SETBP1: variants seen among roughly 807,000 people sequenced by gnomAD.
SETBP1 encodes the protein SET-binding protein.
SETBP1 carries 9 observed loss-of-function variants against 101.0 expected under a neutral mutation model. The ratio of observed to expected loss-of-function variants is 0.09; its 90% CI spans 0.05 to 0.16. SETBP1 has a LOEUF of 0.16. SETBP1 is among the 10% of genes least tolerant of loss of function. The pLI, the probability that SETBP1 is intolerant of heterozygous loss-of-function variation, is 1.00. For synonymous variants in SETBP1, 818 were observed against 788.5 expected (o/e 1.04, Z -0.63); for missense variants, 1,858 against 2,033.8 (o/e 0.91, Z 1.66).
rs529593793 is a variant in SETBP1, at chr18:44,863,216, G to C, written c.487-6014G>C. Among the ~76,000 whole-genome samples the C allele has an allele frequency of 1.3e-4, 20 of 152,210 alleles. No homozygotes were observed. The South Asian group carries it at 3.9e-3, about 30-fold the overall frequency. On this transcript the variant is annotated intron_variant, in intron 2 of 5. Coordinates refer to ENST00000649279, the MANE Select transcript of SETBP1 (RefSeq NM_015559.3). ...TCCTTAGACCCCTTTCCTTTTCTCT[G>C]TCTTGACCCCTGACATATCTTACAA...
At chr18:44,862,831 T>C (rs140851593) in intron 2 of SETBP1, among the ~76,000 whole-genome samples, 1 of 152,160 alleles carries the variant, frequency 6.6e-6, no homozygotes, top group Admixed American at 6.5e-5. Flanking sequence ...TTCTCCAGCC[T>C]TGGGGTGAGA....
intron 2 of SETBP1, among the ~76,000 whole-genome samples, chr18:44,790,060 C>T (rs1216268305): frequency 6.6e-6 from 1 of 152,106 alleles, no homozygotes; most frequent in Non-Finnish European, 1.5e-5. Flanking sequence ...TCCTTTGAAT[C>T]CTGGTAGCTG....
At chr18:44,924,115 G>A (rs1218057310) in intron 3 of SETBP1, among the ~76,000 whole-genome samples, 1 of 152,100 alleles carries the variant, frequency 6.6e-6, no homozygotes, top group African/African-American at 2.4e-5. Context: ...CATCAAGATG[G>A]CCCAGTTGTA....
rs539586976 is a variant in SETBP1 at position 45,053,139 on chromosome 18, A to T, written c.4172-9940A>T. ...TAGAATGTTGTTGGGGGAAAAAAAA[A>T]ATGCAGTTTTTAAAAAATGTAGCTT... On this transcript the variant is annotated intron_variant, in intron 5 of 5. Transcript: ENST00000649279. 2.0e-5 allele frequency among the ~76,000 whole-genome samples: 3 copies of T among 152,264 alleles called. No individual in the cohort carries two copies. The East Asian group carries it at 5.8e-4, about 29-fold the overall frequency.
At chr18:44,760,801 T>C (rs919422665) in intron 2 of SETBP1, among the ~76,000 whole-genome samples, 16 of 152,286 alleles carry the variant, frequency 1.1e-4, no homozygotes, top group African/African-American at 3.8e-4. Context: ...TATATTTAAA[T>C]AGCATCGAAT....
At chr18:44,848,402 C>T (rs571394705) in intron 2 of SETBP1, among the ~76,000 whole-genome samples, 1 of 152,250 alleles carries the variant, frequency 6.6e-6, no homozygotes, top group South Asian at 2.1e-4. Flanking sequence ...TCATCAAAGG[C>T]TGGGAAGTGG....
At chr18:44,801,920 A>G (rs916846621) in intron 2 of SETBP1, among the ~76,000 whole-genome samples, 3 of 152,096 alleles carry the variant, frequency 2.0e-5, no homozygotes, top group Non-Finnish European at 4.4e-5. Context: ...CCATCTGGCC[A>G]CTGGAAATGA....
intron 2 of SETBP1, among the ~76,000 whole-genome samples, chr18:44,826,114 G>C (rs1179805010): frequency 6.6e-6 from 1 of 152,164 alleles, no homozygotes; most frequent in African/African-American, 2.4e-5. Flanking sequence ...CTCAAGGAAG[G>C]TCAACAGAGG....
intron 4 of SETBP1, among the ~76,000 whole-genome samples, chr18:44,976,760 A>G (rs1413263055): frequency 2.0e-5 from 3 of 152,310 alleles, no homozygotes; most frequent in Non-Finnish European, 2.9e-5. Context: ...TGTCTGTAAT[A>G]TGTGATTAAT....
intron 5 of SETBP1, among the ~76,000 whole-genome samples, chr18:45,056,789 A>G (rs114315093): frequency 2.6e-4 from 39 of 152,072 alleles, no homozygotes; most frequent in Middle Eastern, 3.4e-3. Flanking sequence ...CACTTAACAT[A>G]CCCCACTGCT....
intron 2 of SETBP1, among the ~76,000 whole-genome samples, chr18:44,758,647 G>T (rs1395967456): frequency 6.6e-6 from 1 of 152,232 alleles, no homozygotes; most frequent in African/African-American, 2.4e-5. Context: ...CTCCCAAAGT[G>T]CTGGGATTAC....
At chr18:44,989,763 G>A (rs1469804377) in intron 4 of SETBP1, among the ~76,000 whole-genome samples, 3 of 149,306 alleles carry the variant, frequency 2.0e-5, no homozygotes, top group Non-Finnish European at 4.5e-5. Flanking sequence ...CAGCTACTTG[G>A]GAGGCTGAGG....
chr18:44,962,694 G>A (rs1192416683), intron 4 of SETBP1, among the ~76,000 whole-genome samples: 1 of 152,118 alleles, frequency 6.6e-6, no homozygotes, highest in African/African-American at 2.4e-5. Context: ...AGTTGATACT[G>A]GTATCTGTCC....
At chr18:44,692,035 G>A (rs897385919) in intron 1 of SETBP1, among the ~76,000 whole-genome samples, 1 of 152,182 alleles carries the variant, frequency 6.6e-6, no homozygotes, top group African/African-American at 2.4e-5. Context: ...TCAAACAACA[G>A]CTAAATGGTC....
At chr18:44,696,771 G>A (rs2069025153) in intron 1 of SETBP1, among the ~76,000 whole-genome samples, 1 of 152,196 alleles carries the variant, frequency 6.6e-6, no homozygotes, top group African/African-American at 2.4e-5. Flanking sequence ...GATCCACAAA[G>A]TGTGGGTAAA....
At chr18:45,025,011 A>C (rs1368588784) in intron 4 of SETBP1, among the ~76,000 whole-genome samples, 1 of 152,234 alleles carries the variant, frequency 6.6e-6, no homozygotes, top group African/African-American at 2.4e-5. Context: ...GTTTATCACA[A>C]TATGTAAGAG....
At chr18:45,003,994 T>C (rs2072672745) in intron 4 of SETBP1, among the ~76,000 whole-genome samples, 1 of 152,186 alleles carries the variant, frequency 6.6e-6, no homozygotes, top group Non-Finnish European at 1.5e-5. Context: ...TGGGGGCTTC[T>C]GCTGGCATCT....
chr18:44,800,003 A>G (rs2071570034), intron 2 of SETBP1, among the ~76,000 whole-genome samples: 1 of 152,136 alleles, frequency 6.6e-6, no homozygotes, highest in African/African-American at 2.4e-5. Context: ...AGTACCTTGG[A>G]AACTGTGGAC....
chr18:44,979,380 T>A (rs952611155), intron 4 of SETBP1, among the ~76,000 whole-genome samples: 30 of 152,248 alleles, frequency 2.0e-4, no homozygotes, highest in African/African-American at 7.0e-4. Context: ...GTAATGAAAT[T>A]CAGTGTACTA....
Sources: allele counts gnomAD v4.1 joint callset (sites outside exome capture counted in the v4.1 genomes callset), GRCh38; gene constraint gnomAD v4.1.1; transcripts MANE v1.5; gene names NCBI Gene and HGNC (gene_info 2026-07-23, HGNC 2026-07-21).